Variants in PDLIM7 observed in about 807,000 individuals in gnomAD.
The protein encoded by PDLIM7 is PDZ and LIM domain protein 7.
Under a neutral mutation model 53.9 loss-of-function variants are expected in PDLIM7, and 37 were observed. The observed-to-expected ratio is 0.69, with a 90% CI of 0.53 to 0.90. The LOEUF is 0.90. Among genes scored for constraint, PDLIM7 ranks in the 40% least tolerant of loss-of-function variants. PDLIM7 has a pLI of 0.00. For synonymous variants in PDLIM7, 300 were observed against 261.3 expected (o/e 1.15, Z -1.43); for missense variants, 617 against 638.5 (o/e 0.97, Z 0.36).
Position 177,491,152 on chromosome 5 carries a change from G to A in PDLIM7, c.399-6C>T, listed in dbSNP as rs573147568. ...CCAGCGGTCGGAGCGGCTGTCTGTGGGGAGGGTGTGGCTCAGAACCCCACA... is the reference window on the plus strand; with the variant it reads ...CCAGCGGTCGGAGCGGCTGTCTGTGAGGAGGGTGTGGCTCAGAACCCCACA... On this transcript the variant is annotated splice_polypyrimidine_tract_variant and splice_region_variant and intron_variant, in intron 5 of 12. Coordinates refer to ENST00000355841, the MANE Select transcript of PDLIM7 (RefSeq NM_005451.5). 38 of 1,602,288 alleles carry A rather than the reference G, an allele frequency of 2.4e-5. No homozygotes were observed. The South Asian group carries it at 4.1e-4, about 17-fold the overall frequency.
chr5:177,491,935 G>C lies in PDLIM7; in HGVS notation c.280-10C>G. 1 of 244,268 alleles carries C rather than the reference G, an allele frequency of 4.1e-6. No homozygotes were observed. Among genetic ancestry groups the C allele is most frequent in the Non-Finnish European group, 7.6e-6 (1 of 132,014 alleles). The allele number at this position is 244,268 out of a possible 1,614,324, so 15.1% of individuals were successfully genotyped here. The stretch of plus-strand genomic sequence containing the variant: ...CGGCGGGGGCGGAGGCCTGGGCAGA[G>C]ACACAGCCGGGCAGGGCGGGCGGGC... On this transcript the variant is annotated splice_polypyrimidine_tract_variant and intron_variant, in intron 4 of 12. Transcript: ENST00000355841.
In PDLIM7 at chr5:177,483,980, A is replaced by G. The variant is rs1266054227; in HGVS notation, c.1174T>C (p.Tyr392His). The change falls in exon 12 of 13, where the codon TAT becomes CAT. Residue 392 changes from tyrosine (Y) to histidine (H), a missense_variant and splice_region_variant. Tyr to His is a moderately conservative substitution (Grantham distance 83, BLOSUM62 2). Transcript: ENST00000355841. ...EEGVPYCERD[Y>H]EKMFGTKCHG... ...CATTTCGTGCCAAACATCTTCTCAT[A>G]GTCTGAGAATGGGGGCAGAGAGAAA... is the stretch of plus-strand genomic sequence containing the variant. 3 of 1,613,812 alleles carry G rather than the reference A, an allele frequency of 1.9e-6. No individual in the cohort carries two copies. The highest frequency in any genetic ancestry group is 1.7e-5 in the Admixed American group (1 of 60,010).
At chr5:177,484,411 C>A (rs376260009) in intron 10 of PDLIM7, 11 of 555,672 alleles carry the variant, frequency 2.0e-5, no homozygotes, top group Non-Finnish European at 3.5e-5. Context: ...GTTCCTGATT[C>A]CCTCACCCCA....
In PDLIM7 at chr5:177,492,647, C is replaced by G. The variant is rs753547502; in HGVS notation, c.127G>C (p.Gly43Arg). The change falls in exon 3 of 13, where the codon GGA becomes CGA. Residue 43 changes from glycine to arginine, a missense_variant. Gly to Arg is a moderately radical substitution (Grantham distance 125). Coordinates refer to ENST00000355841, the MANE Select transcript of PDLIM7 (RefSeq NM_005451.5). ...AGCACCCAGTCACCCACGGCCACTCCGGCCTGCGCCGCTTTGCCCCCAGGA... is the reference window on the plus strand; with the variant it reads ...AGCACCCAGTCACCCACGGCCACTCGGGCCTGCGCCGCTTTGCCCCCAGGA... ...LTPGGKAAQA[G>R]VAVGDWVLSI... 8 of 1,607,446 alleles carry G rather than the reference C, an allele frequency of 5.0e-6. No individual in the cohort carries two copies. The South Asian group carries it at 8.8e-5, about 18-fold the overall frequency.
At position 177,497,569 on chromosome 5, in the gene PDLIM7, G is replaced by C. The variant is rs981559329; in HGVS notation, c.-53C>G. The C allele has an allele frequency of 6.6e-6, 1 of 152,254 alleles. No individual in the cohort carries two copies. The highest frequency in any genetic ancestry group is 1.5e-5 in the Non-Finnish European group (1 of 68,078). The allele number at this position is 152,254 out of a possible 1,614,324, so 9.4% of individuals were successfully genotyped here. ...GGGCGCTGCTCTGCGTCGGGCTCCA[G>C]GGAGCCTCGTTGGGATCGGCCGCCA... On this transcript the variant is annotated 5_prime_UTR_variant, in exon 1 of 13. Coordinates refer to ENST00000355841, the MANE Select transcript of PDLIM7 (RefSeq NM_005451.5).
At chr5:177,485,542 G>A (rs1758396365) in intron 10 of PDLIM7, among the ~76,000 whole-genome samples, 1 of 152,206 alleles carries the variant, frequency 6.6e-6, no homozygotes, top group Non-Finnish European at 1.5e-5. Context: ...TATGAGGATG[G>A]CCCTGAGTTT....
At chr5:177,496,672 G>A (rs1041153569) in intron 1 of PDLIM7, 149 bp from the exon 2 acceptor site, 4 of 486,488 alleles carry the variant, frequency 8.2e-6, no homozygotes, top group Non-Finnish European at 1.1e-5. Context: ...CAGGTATTTT[G>A]TCAGGCTGGC....
chr5:177,494,568 G>A (rs1758968985), intron 2 of PDLIM7, among the ~76,000 whole-genome samples: 1 of 142,218 alleles, frequency 7.0e-6, no homozygotes, highest in Non-Finnish European at 1.5e-5. Context: ...AGGGGGTGGG[G>A]GGCGGGGACG....
chr5:177,489,697 T>C, intron 8 of PDLIM7, 70 bp from the exon 9 acceptor site: 1 of 1,486,414 alleles, frequency 6.7e-7, no homozygotes, highest in Non-Finnish European at 8.9e-7. Flanking sequence ...CCCAGGCAGC[T>C]GAGAGAAGCC....
Position 177,492,590 on chromosome 5 carries a change from T to A in PDLIM7, c.184A>T (p.Thr62Ser). 6.2e-7 allele frequency: 1 copy of A among 1,613,646 alleles called. No homozygotes were observed. The highest frequency in any genetic ancestry group is 8.5e-7 in the Non-Finnish European group (1 of 1,179,970). The change falls in exon 3 of 13, where the codon ACA (threonine) becomes TCA (serine). Residue 62 changes from threonine to serine, a missense_variant. Physicochemically the swap from Thr to Ser is moderately conservative, Grantham distance 58. Coordinates refer to ENST00000355841, the MANE Select transcript of PDLIM7 (RefSeq NM_005451.5). Reference protein sequence around the residue: ...SIDGENAGSLTHIEAQNKIRA... With the variant: ...SIDGENAGSLSHIEAQNKIRA... ...ATCTTGTTCTGAGCTTCGATGTGTG[T>A]GAGGCTACCCGCATTCTCGCCATCG...
chr5:177,485,886 T>A (rs1023013942), intron 10 of PDLIM7, among the ~76,000 whole-genome samples: 1 of 151,996 alleles, frequency 6.6e-6, no homozygotes, highest in African/African-American at 2.4e-5. Flanking sequence ...TTTGGGAGGC[T>A]GAGGTGGGAG....
Position 177,489,924 on chromosome 5 carries a change from G to T in PDLIM7, c.573-92C>A, listed in dbSNP as rs1434635674. The T allele has an allele frequency of 2.6e-6, 4 of 1,539,234 alleles. No individual in the cohort carries two copies. In the East Asian group the frequency reaches 9.8e-5, roughly 38 times the overall value. ...GGGTCCTGCTGGCCCCACGGGAGAT[G>T]ACTGGGGGCGTGGAAACTGCCGAGT... On this transcript the variant is annotated intron_variant, in intron 7 of 12. Coordinates refer to ENST00000355841, the MANE Select transcript of PDLIM7 (RefSeq NM_005451.5).
chr5:177,492,125 G>A (rs939824943), intron 4 of PDLIM7, 200 bp from the exon 5 acceptor site: 39 of 565,386 alleles, frequency 6.9e-5, no homozygotes, highest in Non-Finnish European at 1.1e-4. Flanking sequence ...CTCAGTCCAC[G>A]CAGGACCGAG....
In PDLIM7 at chr5:177,491,899, C is replaced by A. The variant is rs574440678; in HGVS notation, c.306G>T (p.Pro102=). The A allele has an allele frequency of 8.8e-6, 9 of 1,021,640 alleles. No individual in the cohort carries two copies. The African/African-American group carries it at 1.7e-4, about 19-fold the overall frequency. The allele number at this position is 1,021,640 out of a possible 1,614,324, so 63.3% of individuals were successfully genotyped here. ...QKASAPAADP[P]RYTFAPSVSL... is the part of the protein sequence containing the mutation. The stretch of plus-strand genomic sequence containing the variant: ...AGACGCTGGGTGCAAAGGTGTACCG[C>A]GGAGGGTCCGCGGCGGGGGCGGAGG... Residue 102 remains proline, a synonymous_variant, in exon 5 of 13, where the codon CCG becomes CCT. Coordinates refer to ENST00000355841, the MANE Select transcript of PDLIM7 (RefSeq NM_005451.5).
At position 177,496,469 on chromosome 5, in the gene PDLIM7, C is replaced by A; in HGVS notation, c.44G>T (p.Gly15Val). The A allele has an allele frequency of 6.2e-7, 1 of 1,605,370 alleles. No individual in the cohort carries two copies. Among genetic ancestry groups the A allele is most frequent in the Non-Finnish European group, 8.5e-7 (1 of 1,175,726 alleles). ...KVVLEGPAPW[G>V]FRLQGGKDFN... ...GTCCTTGCCCCCTTGCAGCCGGAAG[C>A]CCCAAGGTGCTGGCCCCTCCAGCAC... Residue 15 changes from glycine (G) to valine (V), a missense_variant, in exon 2 of 13, where the codon GGC becomes GTC. Gly to Val is a moderately radical substitution (Grantham distance 109, BLOSUM62 -3). Transcript: ENST00000355841.
At chr5:177,490,291 G>A (rs949703746) in intron 7 of PDLIM7, 1 of 1,442,986 alleles carries the variant, frequency 6.9e-7, no homozygotes, top group Non-Finnish European at 9.1e-7. Context: ...CACAGACCTG[G>A]CAGACAGCAG....
In PDLIM7 at chr5:177,488,093, G is replaced by C. The variant is rs775020126; in HGVS notation, c.1025C>G (p.Ala342Gly). The C allele has an allele frequency of 4.4e-6, 7 of 1,606,096 alleles. No individual in the cohort carries two copies. Among genetic ancestry groups the C allele is most frequent in the Non-Finnish European group, 6.0e-6 (7 of 1,176,192 alleles). ...GCCTGTAATCTTCTTCTTGCACTTG[G>C]CACAGCTGGGTGCATAGCGCACGTC... Reference protein sequence around the residue: ...CYDVRYAPSCAKCKKKITGEI... With the variant: ...CYDVRYAPSCGKCKKKITGEI... Residue 342 changes from alanine to glycine, a missense_variant, in exon 10 of 13, where the codon GCC becomes GGC. By Grantham distance (60) the Ala-to-Gly change is moderately conservative. Coordinates refer to ENST00000355841, the MANE Select transcript of PDLIM7 (RefSeq NM_005451.5).
In PDLIM7 at chr5:177,490,406, T is replaced by C. The variant is rs1758688627; in HGVS notation, c.572+464A>G. On this transcript the variant is annotated intron_variant, in intron 7 of 12. Transcript: ENST00000355841. The stretch of plus-strand genomic sequence containing the variant: ...CAGGGGCACGAAAGGGGGGGTGAGG[T>C]AGGCAGAAGCTGGAGGCACTAAGGG... 4 of 1,492,928 alleles carry C rather than the reference T, an allele frequency of 2.7e-6. No individual in the cohort carries two copies. The Admixed American group carries it at 6.4e-5, about 24-fold the overall frequency. The allele number at this position is 1,492,928 out of a possible 1,614,324, so 92.5% of individuals were successfully genotyped here. A position where few individuals can be genotyped will look rare whatever the true frequency, so the allele number is the denominator to read the frequency against.
chr5:177,483,737 A>C lies in PDLIM7; in HGVS notation c.1288-7T>G. 1 of 1,609,988 alleles carries C rather than the reference A, an allele frequency of 6.2e-7. No homozygotes were observed. Among genetic ancestry groups the C allele is most frequent in the South Asian group, 1.1e-5 (1 of 91,022 alleles). ...CCAGGTTGATCTGACATATCTAAGG[A>C]CAGCAAAGGCCCAGTCACATGGGGT... On this transcript the variant is annotated splice_region_variant and splice_polypyrimidine_tract_variant and intron_variant, in intron 12 of 12. Transcript: ENST00000355841.
Sources: gnomAD v4.1 joint callset for allele counts (sites outside exome capture counted in the v4.1 genomes callset) on GRCh38, gnomAD v4.1.1 for gene constraint, MANE v1.5 for transcripts, NCBI Gene and HGNC (gene_info 2026-07-23, HGNC 2026-07-21) for gene names.